CCDC85A: variants seen among roughly 807,000 people sequenced by gnomAD.
The protein encoded by CCDC85A is coiled-coil domain containing 85A.
A neutral mutation model predicts 50.2 loss-of-function variants in CCDC85A; 38 were observed. That is an observed-to-expected ratio of 0.76 (90% CI 0.58 to 0.99). The LOEUF (loss-of-function observed/expected upper bound fraction) is 0.99. CCDC85A is among the 50% of genes least tolerant of loss of function. The pLI is 0.00. For synonymous variants in CCDC85A, 366 were observed against 301.4 expected, an observed-to-expected ratio of 1.21 and a Z score of -2.22; for missense variants, 820 against 742.0, an observed-to-expected ratio of 1.11 and a Z score of -1.22.
intron 2 of CCDC85A, among the ~76,000 whole-genome samples, chr2:56,194,465 T>C (rs1676449120): frequency 6.6e-6 from 1 of 152,186 alleles, no homozygotes; most frequent in Non-Finnish European, 1.5e-5. Context: ...TCATTGAAAA[T>C]ATCTGAGGGT....
Position 56,184,205 on chromosome 2 carries a change from G to C in CCDC85A, c.-420G>C, listed in dbSNP as rs551583315. The C allele has an allele frequency of 1.0e-6, 1 of 989,376 alleles. No homozygotes were observed. Among genetic ancestry groups the C allele is most frequent in the Non-Finnish European group, 1.2e-6 (1 of 831,780 alleles). 61.3% of individuals were successfully genotyped at this position (989,376 alleles called of 1,614,324 possible). ...AGCTGGGCAAGGGGGAGGAAAGTGCGTGTGCGTGCACGCCTGTGTGCAGGG... is the reference window on the plus strand; with the variant it reads ...AGCTGGGCAAGGGGGAGGAAAGTGCCTGTGCGTGCACGCCTGTGTGCAGGG... On this transcript the variant is annotated 5_prime_UTR_variant, in exon 1 of 6. Coordinates refer to ENST00000407595, the MANE Select transcript of CCDC85A (RefSeq NM_001080433.2).
At chr2:56,332,507 G>A (rs1673859322) in intron 2 of CCDC85A, among the ~76,000 whole-genome samples, 1 of 152,066 alleles carries the variant, frequency 6.6e-6, no homozygotes, top group Non-Finnish European at 1.5e-5. Flanking sequence ...CATCTCTTAA[G>A]GGCTCCGTCT....
chr2:56,374,229 G>A (rs1676222236), intron 4 of CCDC85A, among the ~76,000 whole-genome samples: 1 of 152,170 alleles, frequency 6.6e-6, no homozygotes, highest in African/African-American at 2.4e-5. Flanking sequence ...TTGTTGGCCA[G>A]TGAGGCTGGG....
chr2:56,267,385 A>G (rs1226253781), intron 2 of CCDC85A, among the ~76,000 whole-genome samples: 5 of 152,222 alleles, frequency 3.3e-5, no homozygotes, highest in Admixed American at 6.5e-5. Flanking sequence ...TATGTTGGGA[A>G]TGATAGTGGT....
rs1396708296 is a variant in CCDC85A, at chr2:56,385,951, C to T, written c.*1596C>T. ...CCTTCTTTCCTAGGAAAGCTTTCAT[C>T]CTTAAATTGTTGTATTCCTACCCTC... On this transcript the variant is annotated 3_prime_UTR_variant, in exon 6 of 6. Coordinates refer to ENST00000407595, the MANE Select transcript of CCDC85A (RefSeq NM_001080433.2). 2 of 152,042 alleles carry T rather than the reference C, an allele frequency of 1.3e-5. No individual in the cohort carries two copies. The highest frequency in any genetic ancestry group is 2.1e-4 in the South Asian group (1 of 4,812). 9.4% of individuals were successfully genotyped at this position (152,042 alleles called of 1,614,324 possible).
intron 2 of CCDC85A, among the ~76,000 whole-genome samples, chr2:56,309,529 G>C (rs565574566): frequency 6.6e-6 from 1 of 152,196 alleles, no homozygotes; most frequent in South Asian, 2.1e-4. Context: ...ACAAGATTGT[G>C]TATAGTGTTT....
At chr2:56,194,737 C>T (rs1403597824) in intron 2 of CCDC85A, among the ~76,000 whole-genome samples, 3 of 152,186 alleles carry the variant, frequency 2.0e-5, no homozygotes, top group Non-Finnish European at 4.4e-5. Context: ...CTACTGCTTT[C>T]TCTGTCGTTG....
At chr2:56,287,121 C>A (rs1293375966) in intron 2 of CCDC85A, among the ~76,000 whole-genome samples, 1 of 152,178 alleles carries the variant, frequency 6.6e-6, no homozygotes, top group African/African-American at 2.4e-5. Flanking sequence ...TTGTTCATCT[C>A]CCAGGCTTGC....
At chr2:56,367,935 G>A (rs1675883357) in intron 3 of CCDC85A, among the ~76,000 whole-genome samples, 1 of 152,114 alleles carries the variant, frequency 6.6e-6, no homozygotes, top group Non-Finnish European at 1.5e-5. Flanking sequence ...TATAGATGAG[G>A]AAACTAAGGC....
intron 2 of CCDC85A, among the ~76,000 whole-genome samples, chr2:56,314,766 C>T (rs987712106): frequency 2.6e-5 from 4 of 152,134 alleles, no homozygotes; most frequent in East Asian, 1.9e-4. Flanking sequence ...AGTTGGGTGG[C>T]CACAGAAGGT....
In CCDC85A at chr2:56,359,804, G is replaced by C. The variant is rs186975688; in HGVS notation, c.1318-12540G>C. On this transcript the variant is annotated intron_variant, in intron 3 of 5. Transcript: ENST00000407595. Reference sequence around the variant, plus strand: ...AATATTCTTCCTTCACATGATCTTTGTCATATATGTGGGTTTTAGTCATTA... The same window carrying C: ...AATATTCTTCCTTCACATGATCTTTCTCATATATGTGGGTTTTAGTCATTA... Among the ~76,000 whole-genome samples, 578 of 152,244 alleles carry C rather than the reference G, an allele frequency of 3.8e-3. 8 individuals carry two copies. Among genetic ancestry groups the C allele is most frequent in the African/African-American group, 0.013 (553 of 41,560 alleles).
chr2:56,299,703 A>G (rs11690074), intron 2 of CCDC85A, among the ~76,000 whole-genome samples: 19,837 of 152,200 alleles, frequency 0.13, 1,447 homozygotes, highest in East Asian at 0.32. Flanking sequence ...CTGAATCAAG[A>G]AAATCAAGAA....
intron 2 of CCDC85A, among the ~76,000 whole-genome samples, chr2:56,256,638 A>G (rs1224129375): frequency 6.6e-6 from 1 of 152,224 alleles, no homozygotes; most frequent in Non-Finnish European, 1.5e-5. Context: ...GGCCCTTTTT[A>G]TCCTCATTTA....
chr2:56,365,127 C>T (rs998843478), intron 3 of CCDC85A, among the ~76,000 whole-genome samples: 6 of 152,188 alleles, frequency 3.9e-5, no homozygotes, highest in African/African-American at 1.4e-4. Context: ...GAAGATAGAA[C>T]TAATTTTATT....
At chr2:56,350,065 C>G (rs1573315556) in intron 3 of CCDC85A, among the ~76,000 whole-genome samples, 1 of 149,312 alleles carries the variant, frequency 6.7e-6, no homozygotes, top group East Asian at 1.9e-4. Flanking sequence ...TATAGAAATG[C>G]TTTTCTGTTC....
At chr2:56,361,187 G>A (rs1208676192) in intron 3 of CCDC85A, among the ~76,000 whole-genome samples, 1 of 152,076 alleles carries the variant, frequency 6.6e-6, no homozygotes, top group Non-Finnish European at 1.5e-5. Context: ...CCAGGAGGCG[G>A]AGCTTGCAGT....
At chr2:56,351,303 A>G (rs1338108076) in intron 3 of CCDC85A, among the ~76,000 whole-genome samples, 1 of 151,914 alleles carries the variant, frequency 6.6e-6, no homozygotes, top group African/African-American at 2.4e-5. Flanking sequence ...ATAGTGCCGC[A>G]ATAAACATAC....
At chr2:56,284,972 AC>A (rs751177428) in intron 2 of CCDC85A, among the ~76,000 whole-genome samples, 1 of 151,988 alleles carries the variant, frequency 6.6e-6, no homozygotes, top group Non-Finnish European at 1.5e-5. Context: ...TTTTACTTTG[AC>A]CCCATATATA....
intron 5 of CCDC85A, among the ~76,000 whole-genome samples, chr2:56,378,903 A>G (rs561753226): frequency 6.6e-6 from 1 of 152,300 alleles, no homozygotes; most frequent in African/African-American, 2.4e-5. Context: ...TTTTTGTATT[A>G]CTTCAACACT....
Sources: gnomAD v4.1 joint callset for allele counts (sites outside exome capture counted in the v4.1 genomes callset) on GRCh38, gnomAD v4.1.1 for gene constraint, MANE v1.5 for transcripts, NCBI Gene and HGNC (gene_info 2026-07-23, HGNC 2026-07-21) for gene names.